GPR176: variants seen among roughly 807,000 people sequenced by gnomAD.
GPR176 encodes the protein G protein-coupled receptor 176.
GPR176 carries 26 observed loss-of-function variants against 35.4 expected under a neutral mutation model. The ratio of observed to expected loss-of-function variants is 0.74; its 90% CI spans 0.54 to 1.02. The LOEUF (loss-of-function observed/expected upper bound fraction) is 1.02, where lower values mean the gene tolerates loss of function less well. Among genes scored for constraint, GPR176 ranks in the 50% least tolerant of loss-of-function variants. The pLI is 0.00. For synonymous variants in GPR176, 278 were observed against 271.3 expected (o/e 1.02, Z -0.24); for missense variants, 597 against 665.3 (o/e 0.90, Z 1.13).
intron 1 of GPR176, among the ~76,000 whole-genome samples, chr15:39,865,813 T>C (rs756745648): frequency 6.6e-6 from 1 of 152,200 alleles, no homozygotes; most frequent in African/African-American, 2.4e-5. Context: ...AAATTTCATA[T>C]GCATTTTCCC....
chr15:39,865,309 T>G (rs921066747), intron 1 of GPR176, among the ~76,000 whole-genome samples: 1 of 152,092 alleles, frequency 6.6e-6, no homozygotes, highest in South Asian at 2.1e-4. Context: ...TAAGTATCCA[T>G]TAACAGATAA....
chr15:39,878,095 C>CGTGTGTGTGTGTGTGT (rs1411063695), intron 1 of GPR176, among the ~76,000 whole-genome samples: 28 of 40,928 alleles, frequency 6.8e-4, no homozygotes, highest in South Asian at 5.0e-3. Context: ...CCCATAGTTA[C>CGTGTGTGTGTGTGTGT]CTGTGTGTGT....
At chr15:39,839,654 T>C (rs986411653) in intron 1 of GPR176, among the ~76,000 whole-genome samples, 2 of 152,174 alleles carry the variant, frequency 1.3e-5, no homozygotes, top group African/African-American at 4.8e-5. Flanking sequence ...AAAGAGCTTC[T>C]GCACAGCAAA....
At chr15:39,878,135 T>TGTGTGTGTGTG (rs1555408567) in intron 1 of GPR176, among the ~76,000 whole-genome samples, 91 of 148,782 alleles carry the variant, frequency 6.1e-4, no homozygotes, top group Middle Eastern at 7.5e-3. Flanking sequence ...TGTGTGTGTG[T>TGTGTGTGTGTG]TGAGAACATT....
intron 1 of GPR176, among the ~76,000 whole-genome samples, chr15:39,867,437 C>T (rs1172773870): frequency 1.3e-5 from 2 of 152,024 alleles, no homozygotes; most frequent in Non-Finnish European, 2.9e-5. Flanking sequence ...AGAAGGACAT[C>T]GGGAAATGCA....
intron 1 of GPR176, among the ~76,000 whole-genome samples, chr15:39,871,898 C>T (rs8023439): frequency 0.013 from 2,033 of 152,278 alleles, 63 homozygotes; most frequent in African/African-American, 0.044. Context: ...GTACTGATCC[C>T]TACTGAGTGA....
intron 1 of GPR176, among the ~76,000 whole-genome samples, chr15:39,851,731 A>G (rs1282029398): frequency 6.6e-6 from 1 of 152,160 alleles, no homozygotes; most frequent in Admixed American, 6.6e-5. Context: ...ACGCACCAAA[A>G]TGGTTTTCTC....
chr15:39,807,996 G>C (rs1899305498), intron 1 of GPR176, among the ~76,000 whole-genome samples: 1 of 152,126 alleles, frequency 6.6e-6, no homozygotes, highest in Non-Finnish European at 1.5e-5. Flanking sequence ...GGCTTCCACA[G>C]GCCTACAATC....
chr15:39,920,122 G>A lies in GPR176; in HGVS notation c.-96C>T. 2 of 869,906 alleles carry A rather than the reference G, an allele frequency of 2.3e-6. No individual in the cohort carries two copies. The highest frequency in any genetic ancestry group is 6.7e-5 in the East Asian group (2 of 29,836). The allele number at this position is 869,906 out of a possible 1,614,324, so 53.9% of individuals were successfully genotyped here. Reference sequence around the variant, plus strand: ...GTGAGGAGGGACGCGCGGGCGCCTGGCGGAGTCCTGGAGAAGCCGGAGCAG... The same window carrying A: ...GTGAGGAGGGACGCGCGGGCGCCTGACGGAGTCCTGGAGAAGCCGGAGCAG... On this transcript the variant is annotated 5_prime_UTR_variant, in exon 1 of 3. Transcript: ENST00000561100.
At position 39,801,027 on chromosome 15, in the gene GPR176, C is replaced by T; in HGVS notation, c.*105G>A. The T allele has an allele frequency of 1.0e-6, 1 of 958,014 alleles. No individual in the cohort carries two copies. The highest frequency in any genetic ancestry group is 1.6e-5 in the South Asian group (1 of 62,786). The allele number at this position is 958,014 out of a possible 1,614,324, so 59.3% of individuals were successfully genotyped here. ...CTGGCCCATATTGGAGGAATCAACT[C>T]ACACTGAGTTGCAAGGAGATCATAC... On this transcript the variant is annotated 3_prime_UTR_variant, in exon 3 of 3. Coordinates refer to ENST00000561100, the MANE Select transcript of GPR176 (RefSeq NM_007223.3).
intron 1 of GPR176, chr15:39,815,569 T>C (rs1450769405): frequency 6.6e-6 from 1 of 152,226 alleles, no homozygotes; most frequent in Non-Finnish European, 1.5e-5. Context: ...GAGGCCTGCT[T>C]TTCCAAGAAT....
chr15:39,828,039 G>T (rs554519672), intron 1 of GPR176, among the ~76,000 whole-genome samples: 25 of 152,304 alleles, frequency 1.6e-4, no homozygotes, highest in Non-Finnish European at 3.4e-4. Context: ...ATAAATGTGT[G>T]ACTTAATTTG....
At chr15:39,814,077 TA>T (rs1284095109) in intron 1 of GPR176, among the ~76,000 whole-genome samples, 2 of 152,234 alleles carry the variant, frequency 1.3e-5, no homozygotes, top group African/African-American at 4.8e-5. Flanking sequence ...CCCCAAGTGC[TA>T]AAAGTTCTGC....
chr15:39,840,964 A>G (rs963560964), intron 1 of GPR176, among the ~76,000 whole-genome samples: 3 of 152,136 alleles, frequency 2.0e-5, no homozygotes, highest in African/African-American at 7.2e-5. Flanking sequence ...TGATTTGCAC[A>G]TGATCACATA....
chr15:39,894,922 G>A lies in GPR176; in HGVS notation c.172+24933C>T, dbSNP rs1306115305. ...TGTAGCGAGCCGAGATCACGCCACT[G>A]CACTCCAGCCTGGGCACCATTGAGC... On this transcript the variant is annotated intron_variant, in intron 1 of 2. Transcript: ENST00000561100. 1.3e-5 allele frequency among the ~76,000 whole-genome samples: 2 copies of A among 152,148 alleles called. 1 individual carries two copies. The highest frequency in any genetic ancestry group is 2.9e-5 in the Non-Finnish European group (2 of 67,990).
At chr15:39,875,557 A>C (rs1185317707) in intron 1 of GPR176, among the ~76,000 whole-genome samples, 1 of 152,190 alleles carries the variant, frequency 6.6e-6, no homozygotes, top group African/African-American at 2.4e-5. Context: ...ATTCATAGAC[A>C]ATCGGCAGTA....
intron 1 of GPR176, among the ~76,000 whole-genome samples, chr15:39,824,428 C>T (rs1900488819): frequency 6.6e-6 from 1 of 152,232 alleles, no homozygotes; most frequent in Non-Finnish European, 1.5e-5. Flanking sequence ...GGTCTTCTTC[C>T]AAGAAACCCT....
chr15:39,896,455 C>T (rs1440622997), intron 1 of GPR176, among the ~76,000 whole-genome samples: 2 of 152,176 alleles, frequency 1.3e-5, no homozygotes, highest in Non-Finnish European at 2.9e-5. Flanking sequence ...TACATGGTTA[C>T]ATAATTGAAT....
At chr15:39,891,918 A>G (rs1051427542) in intron 1 of GPR176, among the ~76,000 whole-genome samples, 1 of 152,250 alleles carries the variant, frequency 6.6e-6, no homozygotes, top group Admixed American at 6.5e-5. Flanking sequence ...ACAATATTCT[A>G]CTTGATTAAT....
Sources: allele counts gnomAD v4.1 joint callset (sites outside exome capture counted in the v4.1 genomes callset), GRCh38; gene constraint gnomAD v4.1.1; transcripts MANE v1.5; gene names NCBI Gene and HGNC (gene_info 2026-07-23, HGNC 2026-07-21).